PLEKHA2: variants seen among roughly 807,000 people sequenced by gnomAD.
PLEKHA2 encodes the protein pleckstrin homology domain containing A2, also known as pleckstrin homology domain-containing family A member 2.
In PLEKHA2, 28 loss-of-function variants were observed where a neutral mutation model predicts 53.2. That is an observed-to-expected ratio of 0.53 (90% confidence interval 0.39 to 0.72). The LOEUF (loss-of-function observed/expected upper bound fraction) is 0.72, where lower values mean the gene tolerates loss of function less well. PLEKHA2 is among the 30% of genes least tolerant of loss of function. The probability of loss-of-function intolerance (pLI) is 0.00; values close to 1 mark genes in which losing one functional copy is unlikely to be tolerated. For synonymous variants in PLEKHA2, 193 were observed against 196.4 expected (o/e 0.98, Z 0.14); for missense variants, 426 against 537.9 (o/e 0.79, Z 2.06).
chr8:38,943,854 G>A lies in PLEKHA2; in HGVS notation c.247+17G>A, dbSNP rs765989013. 1.9e-6 allele frequency: 3 copies of A among 1,564,034 alleles called. No homozygotes were observed. The African/African-American group carries it at 4.1e-5, about 21-fold the overall frequency. ...TTTGCTTTGGTAAGTACTGAGCCAG[G>A]GGAGGGACTCATTTAATATTGACAT... On this transcript the variant is annotated intron_variant, in intron 4 of 11. Coordinates refer to ENST00000617275, the MANE Select transcript of PLEKHA2 (RefSeq NM_021623.2).
At chr8:38,910,845 A>G (rs965622594) in intron 1 of PLEKHA2, among the ~76,000 whole-genome samples, 1 of 152,264 alleles carries the variant, frequency 6.6e-6, no homozygotes, top group African/African-American at 2.4e-5. Flanking sequence ...TTATGCAACC[A>G]TTAGAAACGA....
At chr8:38,901,696 G>A (rs1005530021) in intron 1 of PLEKHA2, 1 of 152,280 alleles carries the variant, frequency 6.6e-6, no homozygotes, top group Non-Finnish European at 1.5e-5. Context: ...AGTGCCCCGG[G>A]TGGCCAAGGT....
intron 2 of PLEKHA2, among the ~76,000 whole-genome samples, chr8:38,934,294 C>T (rs1259220428): frequency 1.3e-5 from 2 of 152,084 alleles, no homozygotes; most frequent in South Asian, 2.1e-4. Context: ...GCCTGGTCCA[C>T]CAGAGACACT....
chr8:38,912,694 A>G (rs1169202825), intron 1 of PLEKHA2, among the ~76,000 whole-genome samples: 1 of 152,228 alleles, frequency 6.6e-6, no homozygotes, highest in Non-Finnish European at 1.5e-5. Flanking sequence ...AAGGATGTAC[A>G]AATGGGATCA....
At chr8:38,940,083 C>G (rs1834573832) in intron 3 of PLEKHA2, among the ~76,000 whole-genome samples, 2 of 126,292 alleles carry the variant, frequency 1.6e-5, no homozygotes, top group African/African-American at 6.4e-5. Context: ...CAGAGTGAGA[C>G]CCTATCTCTT....
At chr8:38,919,587 A>G (rs1564111244) in intron 2 of PLEKHA2, among the ~76,000 whole-genome samples, 2 of 152,194 alleles carry the variant, frequency 1.3e-5, no homozygotes, top group Non-Finnish European at 2.9e-5. Context: ...ATGCTTTAAG[A>G]TGCAATGTGG....
intron 2 of PLEKHA2, 134 bp downstream of exon 2, chr8:38,918,204 T>C: frequency 8.5e-7 from 1 of 1,179,816 alleles, no homozygotes; most frequent in Non-Finnish European, 1.2e-6. Context: ...GGGACAACCC[T>C]ACAACACACA....
intron 11 of PLEKHA2, 89 bp downstream of exon 11, chr8:38,968,758 A>T: frequency 6.4e-6 from 9 of 1,403,822 alleles, no homozygotes; most frequent in Non-Finnish European, 9.1e-6. Context: ...GTAGGCAAGC[A>T]GCCTGGTCCC....
chr8:38,918,112 A>G (rs1486424444), intron 2 of PLEKHA2, 42 bp downstream of exon 2: 13 of 1,594,094 alleles, frequency 8.2e-6, no homozygotes, highest in South Asian at 1.1e-5. Flanking sequence ...CTGGGTGCCC[A>G]TCACTGCGCC....
intron 6 of PLEKHA2, 111 bp downstream of exon 6, chr8:38,951,101 G>GT (rs1834829881): frequency 3.0e-6 from 2 of 664,184 alleles, no homozygotes; most frequent in Non-Finnish European, 4.6e-6. Context: ...GGGAGTGGGG[G>GT]GCAGCTGGTG....
At chr8:38,916,945 TCTTTTGGATAAAAG>T (rs1403264925) in intron 1 of PLEKHA2, among the ~76,000 whole-genome samples, 1 of 152,224 alleles carries the variant, frequency 6.6e-6, no homozygotes, top group African/African-American at 2.4e-5. Context: ...TTGTTGCCTG[TCTTTTGGATAAAAG>T]CCATTTTCAC....
chr8:38,968,889 A>G (rs974134943), intron 11 of PLEKHA2: 7 of 441,608 alleles, frequency 1.6e-5, no homozygotes, highest in Non-Finnish European at 2.8e-5. Context: ...AGATAGAGAA[A>G]TGGAATTTCT....
At chr8:38,947,075 GA>G (rs1834729038) in intron 5 of PLEKHA2, among the ~76,000 whole-genome samples, 1 of 152,314 alleles carries the variant, frequency 6.6e-6, no homozygotes, top group Admixed American at 6.5e-5. Flanking sequence ...CATATTGCTA[GA>G]CCCAACCTGA....
chr8:38,912,174 G>A (rs1262784084), intron 1 of PLEKHA2, among the ~76,000 whole-genome samples: 1 of 151,842 alleles, frequency 6.6e-6, no homozygotes, highest in Non-Finnish European at 1.5e-5. Flanking sequence ...GGTGGCACAC[G>A]CTGTAATCCC....
At chr8:38,954,860 C>T (rs867395782) in intron 9 of PLEKHA2, among the ~76,000 whole-genome samples, 4 of 152,198 alleles carry the variant, frequency 2.6e-5, no homozygotes, top group Middle Eastern at 3.4e-3. Context: ...TAGCGAAACC[C>T]CTTCTTTACT....
intron 9 of PLEKHA2, among the ~76,000 whole-genome samples, chr8:38,956,355 C>T (rs1834940025): frequency 6.6e-6 from 1 of 152,186 alleles, no homozygotes; most frequent in Admixed American, 6.5e-5. Flanking sequence ...TGCTTTCCTC[C>T]TCTTTAGCTC....
At chr8:38,940,076 A>G (rs1361689666) in intron 3 of PLEKHA2, among the ~76,000 whole-genome samples, 1 of 128,926 alleles carries the variant, frequency 7.8e-6, no homozygotes, top group African/African-American at 3.0e-5. Context: ...CCTGAGACAG[A>G]GTGAGACCCT....
At chr8:38,924,426 A>C (rs972283265) in intron 2 of PLEKHA2, among the ~76,000 whole-genome samples, 5 of 152,086 alleles carry the variant, frequency 3.3e-5, no homozygotes, top group African/African-American at 1.2e-4. Flanking sequence ...CTGTGAAGAG[A>C]GCTGGGGAAG....
chr8:38,957,214 C>G (rs1564151620), intron 9 of PLEKHA2, 109 bp from the exon 10 acceptor site: 2 of 790,432 alleles, frequency 2.5e-6, no homozygotes, highest in Non-Finnish European at 4.1e-6. Flanking sequence ...GGAACCACCC[C>G]CCACCCATCT....
Sources: allele counts gnomAD v4.1 joint callset (sites outside exome capture counted in the v4.1 genomes callset), GRCh38; gene constraint gnomAD v4.1.1; transcripts MANE v1.5; gene names NCBI Gene and HGNC (gene_info 2026-07-23, HGNC 2026-07-21).